Variants in NFRKB observed in about 807,000 individuals in gnomAD.
The protein encoded by NFRKB is nuclear factor related to kappa-B-binding protein.
NFRKB carries 62 observed loss-of-function variants against 135.7 expected under a neutral mutation model. The observed-to-expected ratio is 0.46, with a 90% CI of 0.37 to 0.56. The LOEUF (loss-of-function observed/expected upper bound fraction) is 0.56. Among genes scored for constraint, NFRKB ranks in the 20% least tolerant of loss-of-function variants. The pLI is 0.00. For synonymous variants in NFRKB, 678 were observed against 635.6 expected (o/e 1.07, Z -1.00); for missense variants, 1,545 against 1,662.0 (o/e 0.93, Z 1.22).
rs528939732 is a variant in NFRKB, at chr11:129,881,586, T to C, written c.1319-78A>G. 9.1e-5 allele frequency: 146 copies of C among 1,600,594 alleles called. No individual in the cohort carries two copies. The African/African-American group carries it at 1.6e-3, about 17-fold the overall frequency. On this transcript the variant is annotated intron_variant, in intron 12 of 26. Transcript: ENST00000682444. ...GAAACAGCTTTTGAGTGTTCCACAATGTATTAGAAAAGCAGGAACCTTCAA... is the reference window on the plus strand; with the variant it reads ...GAAACAGCTTTTGAGTGTTCCACAACGTATTAGAAAAGCAGGAACCTTCAA...
intron 24 of NFRKB, among the ~76,000 whole-genome samples, chr11:129,867,143 T>C (rs1286953765): frequency 6.6e-6 from 1 of 152,160 alleles, no homozygotes; most frequent in Non-Finnish European, 1.5e-5. Context: ...GCACCATCAA[T>C]ACTTCCTGCC....
intron 2 of NFRKB, 54 bp from the exon 3 acceptor site, chr11:129,892,924 T>C (rs1450139045): frequency 6.2e-7 from 1 of 1,611,954 alleles, no homozygotes; most frequent in Non-Finnish European, 8.5e-7. Context: ...AGGGATCTAG[T>C]TGATGCTAAC....
chr11:129,871,171 A>T (rs972013884), intron 23 of NFRKB, among the ~76,000 whole-genome samples: 1 of 152,212 alleles, frequency 6.6e-6, no homozygotes, highest in Non-Finnish European at 1.5e-5. Context: ...ATACAATGTA[A>T]ATCCTGTGTA....
At chr11:129,886,941 CCTTTTTACA>C (rs1949307510) in intron 4 of NFRKB, among the ~76,000 whole-genome samples, 1 of 152,152 alleles carries the variant, frequency 6.6e-6, no homozygotes, top group African/African-American at 2.4e-5. Flanking sequence ...GAGGGGAATT[CCTTTTTACA>C]CTAGTAACCC....
At position 129,888,664 on chromosome 11, in the gene NFRKB, G is replaced by C; in HGVS notation, c.267C>G (p.Ile89Met). The C allele has an allele frequency of 6.2e-7, 1 of 1,614,228 alleles. No individual in the cohort carries two copies. Among genetic ancestry groups the C allele is most frequent in the Non-Finnish European group, 8.5e-7 (1 of 1,180,040 alleles). Residue 89 changes from isoleucine to methionine, a missense_variant, in exon 4 of 27, where the codon ATC becomes ATG. Around this residue, in one of 3 missense-constraint regions of NFRKB, gnomAD observed 678 missense variants for 646.7 expected, o/e 1.05. Coordinates refer to ENST00000682444, the MANE Select transcript of NFRKB (RefSeq NM_001143835.2). Reference sequence around the variant, plus strand: ...AGTTCTCCCCACTGAACAAGGCTAAGATGAGTTCATTCTGCTGCTCAGCAC... The same window carrying C: ...AGTTCTCCCCACTGAACAAGGCTAACATGAGTTCATTCTGCTGCTCAGCAC... ...EDSAEQQNEL[I>M]LALFSGENFR... is the part of the protein sequence containing the mutation.
At position 129,873,872 on chromosome 11, in the gene NFRKB, A is replaced by G. The variant is rs1948634997; in HGVS notation, c.2423T>C (p.Val808Ala). ...AACAGCAGGAAGGCTAGGCTGGGCC[A>G]CCACTCGCACCTGAGACAGTCCAGC... Reference protein sequence around the residue: ...GSAGLSQVRVVAQPSLPAVPQ... With the variant: ...GSAGLSQVRVAAQPSLPAVPQ... The change falls in exon 22 of 27, where the codon GTG becomes GCG. Residue 808 changes from valine (V) to alanine (A), a missense_variant. Physicochemically the swap from Val to Ala is moderately conservative, Grantham distance 64. Coordinates refer to ENST00000682444, the MANE Select transcript of NFRKB (RefSeq NM_001143835.2). 1.2e-5 allele frequency: 19 copies of G among 1,614,100 alleles called. No homozygotes were observed. Among genetic ancestry groups the G allele is most frequent in the Non-Finnish European group, 1.6e-5 (19 of 1,180,030 alleles).
intron 23 of NFRKB, among the ~76,000 whole-genome samples, chr11:129,872,072 T>C (rs766984357): frequency 1.3e-5 from 2 of 152,166 alleles, no homozygotes; most frequent in Non-Finnish European, 2.9e-5. Context: ...CTTTCTTTCA[T>C]CTCTTTCAAA....
chr11:129,864,005 G>A lies in NFRKB; in HGVS notation c.*720C>T, dbSNP rs1365106576. 1.3e-5 allele frequency: 2 copies of A among 152,350 alleles called. No homozygotes were observed. Among genetic ancestry groups the A allele is most frequent in the African/African-American group, 4.8e-5 (2 of 41,450 alleles). The allele number at this position is 152,350 out of a possible 1,614,324, so 9.4% of individuals were successfully genotyped here. ...GACAAAGTGGGCAGGTAAAGCTGGG[G>A]GGGGCGGCCACAATCAAGATCCCAA... On this transcript the variant is annotated 3_prime_UTR_variant, in exon 27 of 27. Coordinates refer to ENST00000682444, the MANE Select transcript of NFRKB (RefSeq NM_001143835.2).
In NFRKB at chr11:129,868,892, T is replaced by C. The variant is rs73573591; in HGVS notation, c.3531+602A>G. Among the ~76,000 whole-genome samples the C allele has an allele frequency of 7.3e-3, 1,118 of 152,238 alleles. 9 individuals are homozygous for C. Among genetic ancestry groups the C allele is most frequent in the African/African-American group, 0.025 (1,031 of 41,548 alleles). On this transcript the variant is annotated intron_variant, in intron 24 of 26. Coordinates refer to ENST00000682444, the MANE Select transcript of NFRKB (RefSeq NM_001143835.2). ...AAAATAAGCCGGGTGTGATGACACA[T>C]GCCTGTAGTCCTAGCTACTCAGGAG...
chr11:129,875,582 T>A, intron 17 of NFRKB, 119 bp from the exon 18 acceptor site: 1 of 667,096 alleles, frequency 1.5e-6, no homozygotes. Context: ...CTACCTTCCC[T>A]GATGCCGGAT....
chr11:129,893,728 T>C (rs1278810826), intron 2 of NFRKB, among the ~76,000 whole-genome samples: 1 of 152,164 alleles, frequency 6.6e-6, no homozygotes, highest in Admixed American at 6.5e-5. Context: ...TTCCTACAAC[T>C]GTGCAAAGTA....
intron 7 of NFRKB, 142 bp downstream of exon 7, chr11:129,884,603 T>C: frequency 2.1e-6 from 2 of 952,732 alleles, no homozygotes; most frequent in Non-Finnish European, 3.1e-6. Context: ...GTACAAAAAC[T>C]TTGCCAAACA....
chr11:129,887,079 G>A (rs567705194), intron 4 of NFRKB, among the ~76,000 whole-genome samples: 1 of 152,338 alleles, frequency 6.6e-6, no homozygotes, highest in South Asian at 2.1e-4. Flanking sequence ...TTCCAGATGT[G>A]CTGCCCATTC....
At chr11:129,868,470 G>T (rs55909772) in intron 24 of NFRKB, among the ~76,000 whole-genome samples, 32,833 of 152,228 alleles carry the variant, frequency 0.22, 4,387 homozygotes, top group African/African-American at 0.37. Flanking sequence ...AACAGGAGGC[G>T]TGCTGATGGG....
In NFRKB at chr11:129,884,664, C is replaced by G. The variant is rs565747370; in HGVS notation, c.742+81G>C. ...TTTTCCTGGTAGGTAGGAATCTGCC[C>G]CCACCCACCTCCCTCTAAAGGAGTT... is the stretch of plus-strand genomic sequence containing the variant. On this transcript the variant is annotated intron_variant, in intron 7 of 26. Coordinates refer to ENST00000682444, the MANE Select transcript of NFRKB (RefSeq NM_001143835.2). The G allele has an allele frequency of 7.4e-5, 112 of 1,505,696 alleles. No homozygotes were observed. The African/African-American group carries it at 1.5e-3, about 20-fold the overall frequency. The allele number at this position is 1,505,696 out of a possible 1,614,324, so 93.3% of individuals were successfully genotyped here. A position where few individuals can be genotyped will look rare whatever the true frequency, so the allele number is the denominator to read the frequency against.
At chr11:129,893,555 C>T (rs939570779) in intron 2 of NFRKB, among the ~76,000 whole-genome samples, 5 of 92,776 alleles carry the variant, frequency 5.4e-5, no homozygotes, top group Admixed American at 2.4e-4. Context: ...GACCCTGTCT[C>T]AAAAAAAAAA....
At position 129,874,234 on chromosome 11, in the gene NFRKB, C is replaced by T; in HGVS notation, c.2158G>A (p.Val720Ile). 1 of 1,518,398 alleles carries T rather than the reference C, an allele frequency of 6.6e-7. No individual in the cohort carries two copies. The highest frequency in any genetic ancestry group is 8.8e-7 in the Non-Finnish European group (1 of 1,135,756). 94.1% of individuals were successfully genotyped at this position (1,518,398 alleles called of 1,614,324 possible). Residue 720 changes from valine (V) to isoleucine (I), a missense_variant, in exon 21 of 27, where the codon GTC becomes ATC. Around this residue, in one of 3 missense-constraint regions of NFRKB, gnomAD observed 753 missense variants for 804.3 expected, o/e 0.94. Transcript: ENST00000682444. This position sits in a 1 kb window ranked among gnomAD's most constrained non-coding sequence, Gnocchi z 4.5. ...LSDSSMPPTPVTPVTPTTPAL... is the reference protein window; with the variant it reads ...LSDSSMPPTPITPVTPTTPAL... ...GGTGTGGTGGGGGTTACAGGTGTGA[C>T]TGGGGTGGGTGGCATACTGGAGTCA...
Position 129,869,569 on chromosome 11 carries a change from G to T in NFRKB, c.3456C>A (p.Pro1152=). The change falls in exon 24 of 27, where the codon CCC becomes CCA. Residue 1152 remains proline (P), a synonymous_variant. Coordinates refer to ENST00000682444, the MANE Select transcript of NFRKB (RefSeq NM_001143835.2). The part of the protein sequence containing the change: ...VAVASGAAST[P]ISISTGAPTV... ...TGGGGGCTCCTGTGCTGATGCTGAT[G>T]GGGGTGCTTGCAGCCCCAGAAGCCA... 3 of 1,614,138 alleles carry T rather than the reference G, an allele frequency of 1.9e-6. No individual in the cohort carries two copies. The highest frequency in any genetic ancestry group is 1.7e-6 in the Non-Finnish European group (2 of 1,180,032).
intron 3 of NFRKB, among the ~76,000 whole-genome samples, chr11:129,890,437 T>C (rs1254806351): frequency 1.3e-5 from 2 of 152,080 alleles, no homozygotes; most frequent in African/African-American, 2.4e-5. Context: ...GGATGGGAAG[T>C]ATATACACCA....
Sources: gnomAD v4.1 joint callset for allele counts (sites outside exome capture counted in the v4.1 genomes callset) on GRCh38, gnomAD v4.1.1 for gene constraint, gnomAD v4.1.1 regional missense constraint, Gnocchi (gnomAD v3.1) non-coding constraint, MANE v1.5 for transcripts, NCBI Gene and HGNC (gene_info 2026-07-23, HGNC 2026-07-21) for gene names.